The following B3GALT1 variants were observed in gnomAD, a reference collection of about 807,000 sequenced individuals.
The protein encoded by B3GALT1 is beta-1,3-galactosyltransferase 1.
Under a neutral mutation model 23.2 loss-of-function variants are expected in B3GALT1, and 10 were observed. That is an observed-to-expected ratio of 0.43 (90% CI 0.27 to 0.73). The LOEUF (loss-of-function observed/expected upper bound fraction) is 0.73. Ranked by LOEUF, B3GALT1 falls within the 30% of genes least tolerant of loss-of-function variation. B3GALT1 has a pLI of 0.21. For missense variants in B3GALT1, 299 were observed against 405.4 expected, an observed-to-expected ratio of 0.74 and a Z score of 2.25; for synonymous variants, 156 against 141.5, an observed-to-expected ratio of 1.10 and a Z score of -0.73.
intron 1 of B3GALT1, among the ~76,000 whole-genome samples, chr2:167,345,632 A>G (rs542580788): frequency 6.6e-6 from 1 of 152,278 alleles, no homozygotes; most frequent in Non-Finnish European, 1.5e-5. Flanking sequence ...TTCATTATCC[A>G]TAATGCATTT....
At chr2:167,706,412 C>T (rs1686968345) in intron 3 of B3GALT1, among the ~76,000 whole-genome samples, 1 of 152,206 alleles carries the variant, frequency 6.6e-6, no homozygotes, top group African/African-American at 2.4e-5. Context: ...ACTCGCTAGA[C>T]TCTACTTGCA....
chr2:167,315,707 A>G (rs1423659789), intron 1 of B3GALT1, among the ~76,000 whole-genome samples: 1 of 152,212 alleles, frequency 6.6e-6, no homozygotes, highest in African/African-American at 2.4e-5. Context: ...TAAGTCGAGC[A>G]GAATTTACTC....
chr2:167,576,952 C>T (rs1182857695), intron 2 of B3GALT1, among the ~76,000 whole-genome samples: 2 of 151,716 alleles, frequency 1.3e-5, no homozygotes, highest in Non-Finnish European at 3.0e-5. Context: ...GAAATCCTAT[C>T]CCTGATTTCT....
chr2:167,721,457 A>G (rs74684069), intron 3 of B3GALT1, among the ~76,000 whole-genome samples: 2 of 151,730 alleles, frequency 1.3e-5, no homozygotes, highest in African/African-American at 4.8e-5. Flanking sequence ...TATAAGTTAG[A>G]TTTTTTTTTC....
At position 167,499,243 on chromosome 2, in the gene B3GALT1, T is replaced by G. The variant is rs550221849; in HGVS notation, c.-410+8966T>G. 2.0e-5 allele frequency among the ~76,000 whole-genome samples: 3 copies of G among 152,308 alleles called. No individual in the cohort carries two copies. The South Asian group carries it at 6.2e-4, about 32-fold the overall frequency. On this transcript the variant is annotated intron_variant, in intron 2 of 4. Coordinates refer to ENST00000392690, the MANE Select transcript of B3GALT1 (RefSeq NM_020981.4). ...GATTTTACTGTCTACTATTTGATAC[T>G]TACATCATTATGTTTTAAATGAAAC...
In B3GALT1 at chr2:167,385,573, G is replaced by A. The variant is rs564786104; in HGVS notation, c.-511+92239G>A. On this transcript the variant is annotated intron_variant, in intron 1 of 4. Transcript: ENST00000392690. ...TGATGGATTGATTTGGGTAGCAATGGTAGGAACAAAGACTAGCTTTCACTA... is the reference window on the plus strand; with the variant it reads ...TGATGGATTGATTTGGGTAGCAATGATAGGAACAAAGACTAGCTTTCACTA... 6.4e-5 allele frequency among the ~76,000 whole-genome samples: 8 copies of A among 125,636 alleles called. 1 individual carries two copies. In the South Asian group the frequency reaches 2.0e-3, roughly 32 times the overall value. 82.4% of individuals were successfully genotyped at this position (125,636 alleles called of 152,430 possible).
chr2:167,689,736 C>G (rs1378160976), intron 3 of B3GALT1, among the ~76,000 whole-genome samples: 3 of 151,980 alleles, frequency 2.0e-5, no homozygotes, highest in African/African-American at 4.8e-5. Flanking sequence ...TGACAGGGAC[C>G]CAGACCAGGA....
At chr2:167,556,347 A>G (rs550298783) in intron 2 of B3GALT1, among the ~76,000 whole-genome samples, 20 of 152,288 alleles carry the variant, frequency 1.3e-4, no homozygotes, top group African/African-American at 4.3e-4. Flanking sequence ...GCACTTTACA[A>G]TACTTTAATG....
At chr2:167,796,700 G>A (rs1331336235) in intron 3 of B3GALT1, among the ~76,000 whole-genome samples, 1 of 152,160 alleles carries the variant, frequency 6.6e-6, no homozygotes, top group Non-Finnish European at 1.5e-5. Context: ...GCAGTGAGCT[G>A]TGATTGTGCC....
At chr2:167,799,635 C>A (rs1688603349) in intron 3 of B3GALT1, among the ~76,000 whole-genome samples, 1 of 152,168 alleles carries the variant, frequency 6.6e-6, no homozygotes, top group Non-Finnish European at 1.5e-5. Context: ...CACATATAAA[C>A]AGAGAGTTTG....
At chr2:167,438,796 C>A (rs1366694062) in intron 1 of B3GALT1, among the ~76,000 whole-genome samples, 1 of 152,202 alleles carries the variant, frequency 6.6e-6, no homozygotes, top group East Asian at 1.9e-4. Flanking sequence ...CTCATCCTTA[C>A]TTTTCCCCAC....
chr2:167,445,214 A>T (rs1698960818), intron 1 of B3GALT1, among the ~76,000 whole-genome samples: 1 of 152,210 alleles, frequency 6.6e-6, no homozygotes, highest in Non-Finnish European at 1.5e-5. Context: ...GTTTGATTGC[A>T]CTGTGGTCTG....
intron 2 of B3GALT1, among the ~76,000 whole-genome samples, chr2:167,507,508 A>C (rs1699938741): frequency 7.3e-6 from 1 of 136,370 alleles, no homozygotes; most frequent in Non-Finnish European, 1.5e-5. Context: ...CCGTCTCAAA[A>C]AAAAAAAAAA....
chr2:167,796,434 T>C (rs1688547711), intron 3 of B3GALT1, among the ~76,000 whole-genome samples: 1 of 152,196 alleles, frequency 6.6e-6, no homozygotes, highest in South Asian at 2.1e-4. Context: ...ATAATAACAT[T>C]TTCCCATTCT....
intron 4 of B3GALT1, among the ~76,000 whole-genome samples, chr2:167,867,916 C>T (rs1690265662): frequency 6.6e-6 from 1 of 152,128 alleles, no homozygotes; most frequent in East Asian, 1.9e-4. Context: ...CTGAAGTCTC[C>T]ATCACATCTT....
chr2:167,796,851 G>A (rs1240718559), intron 3 of B3GALT1, among the ~76,000 whole-genome samples: 4 of 152,176 alleles, frequency 2.6e-5, no homozygotes, highest in Non-Finnish European at 4.4e-5. Flanking sequence ...AAATGAATAT[G>A]ATAGATTATA....
intron 2 of B3GALT1, among the ~76,000 whole-genome samples, chr2:167,585,186 G>A (rs1041557826): frequency 3.3e-5 from 5 of 152,172 alleles, no homozygotes; most frequent in Admixed American, 6.5e-5. Context: ...GAGAAAGACC[G>A]AATGAATTTT....
At chr2:167,544,530 C>A (rs1683592768) in intron 2 of B3GALT1, among the ~76,000 whole-genome samples, 1 of 152,144 alleles carries the variant, frequency 6.6e-6, no homozygotes, top group African/African-American at 2.4e-5. Flanking sequence ...CTCCTGACCT[C>A]AAGTGACCCA....
At chr2:167,306,875 A>T (rs1369635322) in intron 1 of B3GALT1, among the ~76,000 whole-genome samples, 1 of 151,954 alleles carries the variant, frequency 6.6e-6, no homozygotes, top group Non-Finnish European at 1.5e-5. Context: ...TCTTAAACCC[A>T]CTAAGCCTCA....
Sources: gnomAD v4.1 joint callset for allele counts (sites outside exome capture counted in the v4.1 genomes callset) on GRCh38, gnomAD v4.1.1 for gene constraint, MANE v1.5 for transcripts, NCBI Gene and HGNC (gene_info 2026-07-23, HGNC 2026-07-21) for gene names.